FER: variants seen among roughly 807,000 people sequenced by gnomAD.
FER encodes the protein tyrosine-protein kinase Fer.
Under a neutral mutation model 111.0 loss-of-function variants are expected in FER, and 63 were observed. That is an observed-to-expected ratio of 0.57 (90% CI 0.46 to 0.70). The LOEUF is 0.70. Among genes scored for constraint, FER ranks in the 30% least tolerant of loss-of-function variants. The pLI, the probability that FER is intolerant of heterozygous loss-of-function variation, is 0.00. For synonymous variants in FER, 327 were observed against 313.9 expected, an observed-to-expected ratio of 1.04 and a Z score of -0.44; for missense variants, 914 against 954.0, an observed-to-expected ratio of 0.96 and a Z score of 0.55.
intron 13 of FER, among the ~76,000 whole-genome samples, chr5:108,971,355 C>G (rs544779911): frequency 3.9e-4 from 58 of 149,554 alleles, no homozygotes; most frequent in African/African-American, 1.4e-3. Flanking sequence ...GGTAGGAATT[C>G]AGAAATAGTA....
intron 10 of FER, among the ~76,000 whole-genome samples, chr5:108,942,144 A>T (rs1756355958): frequency 1.3e-5 from 2 of 152,172 alleles, no homozygotes; most frequent in African/African-American, 4.8e-5. Flanking sequence ...TGGGAAAAGC[A>T]CCATGGAACG....
intron 9 of FER, among the ~76,000 whole-genome samples, chr5:108,892,642 C>A (rs1049709722): frequency 1.1e-4 from 16 of 152,118 alleles, no homozygotes; most frequent in Admixed American, 1.0e-3. Flanking sequence ...ATGGTAGTTT[C>A]TTTTGCTGTG....
chr5:109,047,475 CTA>C (rs747409859), intron 16 of FER, among the ~76,000 whole-genome samples: 30 of 152,202 alleles, frequency 2.0e-4, no homozygotes, highest in Non-Finnish European at 3.8e-4. Flanking sequence ...GTGCAAAACA[CTA>C]TTTAGAAAAA....
At chr5:109,092,147 T>A (rs73213534) in intron 16 of FER, among the ~76,000 whole-genome samples, 2,298 of 151,570 alleles carry the variant, frequency 0.015, 50 homozygotes, top group African/African-American at 0.053. Flanking sequence ...AAATGTAAGA[T>A]CTGAAAGTAT....
chr5:109,046,896 G>A lies in FER; in HGVS notation c.1830-208G>A, dbSNP rs539841920. ...AACATGCATAGATTTCTGTATCCAC[G>A]GGGGTCCTGGAACCAGTCTCCTACA... On this transcript the variant is annotated intron_variant, in intron 15 of 19. Transcript: ENST00000281092. Among the ~76,000 whole-genome samples the A allele has an allele frequency of 2.0e-4, 30 of 152,086 alleles. 1 individual carries two copies. The highest frequency in any genetic ancestry group is 3.7e-4 in the Non-Finnish European group (25 of 67,994).
At chr5:108,911,769 G>A (rs1751582415) in intron 10 of FER, among the ~76,000 whole-genome samples, 1 of 152,106 alleles carries the variant, frequency 6.6e-6, no homozygotes, top group Non-Finnish European at 1.5e-5. Context: ...AGGTCAGTTG[G>A]TTGTAGGTAG....
intron 10 of FER, among the ~76,000 whole-genome samples, chr5:108,899,623 C>T (rs757405999): frequency 6.6e-6 from 1 of 151,498 alleles, no homozygotes; most frequent in Non-Finnish European, 1.5e-5. Context: ...ATGGTGAAAC[C>T]CTGTCTCTAC....
chr5:109,048,101 T>C (rs1333121543), intron 16 of FER, among the ~76,000 whole-genome samples: 2 of 152,132 alleles, frequency 1.3e-5, no homozygotes, highest in African/African-American at 2.4e-5. Flanking sequence ...TAAAGAAATA[T>C]GTAAAACGTT....
At chr5:108,991,314 T>C (rs1763143357) in intron 13 of FER, among the ~76,000 whole-genome samples, 1 of 151,998 alleles carries the variant, frequency 6.6e-6, no homozygotes. Flanking sequence ...ACTCTAATTA[T>C]TGTTAAGGCA....
chr5:108,932,926 G>A (rs1405860408), intron 10 of FER, among the ~76,000 whole-genome samples: 2 of 150,730 alleles, frequency 1.3e-5, no homozygotes, highest in Non-Finnish European at 3.0e-5. Context: ...GTAGATTCTG[G>A]ATATTAGCCC....
intron 18 of FER, among the ~76,000 whole-genome samples, chr5:109,183,533 G>A (rs1758525517): frequency 6.6e-6 from 1 of 152,150 alleles, no homozygotes; most frequent in African/African-American, 2.4e-5. Flanking sequence ...ACAGGCGTGA[G>A]CTACCGTGCC....
intron 13 of FER, among the ~76,000 whole-genome samples, chr5:108,971,272 CAA>C (rs201694196): frequency 2.5e-4 from 19 of 76,368 alleles, no homozygotes; most frequent in Non-Finnish European, 5.3e-4. Context: ...GAACCTGTCT[CAA>C]AAAAAAAAAA....
At chr5:108,755,927 G>A (rs1469002861) in intron 1 of FER, among the ~76,000 whole-genome samples, 2 of 150,602 alleles carry the variant, frequency 1.3e-5, no homozygotes, top group African/African-American at 4.9e-5. Flanking sequence ...CGAGGTGGGT[G>A]GATCACCTGA....
intron 16 of FER, among the ~76,000 whole-genome samples, chr5:109,096,221 C>G (rs988348677): frequency 6.6e-6 from 1 of 151,848 alleles, no homozygotes; most frequent in African/African-American, 2.4e-5. Context: ...ATAATAGCCA[C>G]CTATCATCTC....
At chr5:108,802,867 A>C (rs1006154439) in intron 3 of FER, among the ~76,000 whole-genome samples, 2 of 152,122 alleles carry the variant, frequency 1.3e-5, no homozygotes, top group African/African-American at 4.8e-5. Flanking sequence ...CACTAATGGG[A>C]CTGCTAGGTC....
intron 10 of FER, among the ~76,000 whole-genome samples, chr5:108,942,317 T>C (rs1260434000): frequency 6.6e-6 from 1 of 152,206 alleles, no homozygotes; most frequent in Non-Finnish European, 1.5e-5. Context: ...TGTTTTACTC[T>C]AGGTTTCCTT....
At chr5:108,811,625 TAGG>T (rs995231775) in intron 3 of FER, among the ~76,000 whole-genome samples, 3 of 151,950 alleles carry the variant, frequency 2.0e-5, no homozygotes, top group African/African-American at 7.2e-5. Flanking sequence ...ACAGAACCAA[TAGG>T]AGATATATAT....
At chr5:108,829,039 CG>C (rs554235241) in intron 3 of FER, among the ~76,000 whole-genome samples, 133 of 152,320 alleles carry the variant, frequency 8.7e-4, no homozygotes, top group Non-Finnish European at 1.5e-3. Flanking sequence ...ATATCTGCAA[CG>C]TGCTATATTC....
chr5:109,005,292 G>A (rs1211912132), intron 13 of FER, among the ~76,000 whole-genome samples: 2 of 152,070 alleles, frequency 1.3e-5, no homozygotes, highest in Non-Finnish European at 2.9e-5. Context: ...CCTGGGGCAT[G>A]TAATAGATCC....
Sources: allele counts gnomAD v4.1 joint callset (sites outside exome capture counted in the v4.1 genomes callset), GRCh38; gene constraint gnomAD v4.1.1; transcripts MANE v1.5; gene names NCBI Gene and HGNC (gene_info 2026-07-23, HGNC 2026-07-21).